TRAPPC9: variants seen among roughly 807,000 people sequenced by gnomAD.
TRAPPC9 encodes the protein trafficking protein particle complex subunit 9.
Under a neutral mutation model 124.0 loss-of-function variants are expected in TRAPPC9, and 83 were observed. The ratio of observed to expected loss-of-function variants is 0.67; its 90% CI spans 0.56 to 0.80. TRAPPC9 has a LOEUF of 0.80. Among genes scored for constraint, TRAPPC9 ranks in the 30% least tolerant of loss-of-function variants. The pLI, the probability that TRAPPC9 is intolerant of heterozygous loss-of-function variation, is 0.00. For synonymous variants in TRAPPC9, 638 were observed against 617.5 expected (o/e 1.03, Z -0.49); for missense variants, 1,302 against 1,508.3 (o/e 0.86, Z 2.27).
intron 17 of TRAPPC9, among the ~76,000 whole-genome samples, chr8:140,150,654 G>A (rs996148365): frequency 2.6e-5 from 4 of 152,168 alleles, no homozygotes; most frequent in African/African-American, 9.7e-5. Flanking sequence ...GGGAAAGGAA[G>A]GTGTAAAGAT....
intron 19 of TRAPPC9, among the ~76,000 whole-genome samples, chr8:139,910,877 C>G (rs1563915696): frequency 6.6e-6 from 1 of 152,190 alleles, no homozygotes; most frequent in African/African-American, 2.4e-5. Flanking sequence ...TTTGATTTTA[C>G]AGGTTCATAG....
chr8:140,289,174 A>T (rs1171796436), intron 12 of TRAPPC9, among the ~76,000 whole-genome samples: 1 of 148,314 alleles, frequency 6.7e-6, no homozygotes, highest in Non-Finnish European at 1.5e-5. Context: ...ATATATATAT[A>T]GTGTGTGTGT....
intron 17 of TRAPPC9, among the ~76,000 whole-genome samples, chr8:140,075,429 T>C (rs2129901714): frequency 6.6e-6 from 1 of 152,354 alleles, no homozygotes; most frequent in East Asian, 1.9e-4. Flanking sequence ...ACCTCAACTC[T>C]GTCATTATGG....
At chr8:140,065,521 G>A (rs1057058173) in intron 17 of TRAPPC9, among the ~76,000 whole-genome samples, 19 of 152,330 alleles carry the variant, frequency 1.2e-4, no homozygotes, top group African/African-American at 3.8e-4. Flanking sequence ...TGACTGTCTT[G>A]TTAGGGGCTA....
At chr8:139,883,894 G>GAAA (rs1829838970) in intron 21 of TRAPPC9, among the ~76,000 whole-genome samples, 1 of 152,160 alleles carries the variant, frequency 6.6e-6, no homozygotes, top group South Asian at 2.1e-4. Context: ...AAATGATGGA[G>GAAA]AAAACCTCAC....
chr8:140,340,452 G>A (rs766018674), intron 9 of TRAPPC9, among the ~76,000 whole-genome samples: 21 of 152,142 alleles, frequency 1.4e-4, no homozygotes, highest in African/African-American at 2.7e-4. Flanking sequence ...AGCCTCACCC[G>A]GGAAACTGCC....
chr8:140,040,291 A>G (rs1273987570), intron 17 of TRAPPC9: 4 of 152,394 alleles, frequency 2.6e-5, no homozygotes, highest in African/African-American at 9.7e-5. Flanking sequence ...CCCCTCTAAC[A>G]AAGTGAAGTG....
chr8:140,017,407 A>G (rs1460019003), intron 18 of TRAPPC9, among the ~76,000 whole-genome samples: 2 of 152,216 alleles, frequency 1.3e-5, no homozygotes, highest in Non-Finnish European at 2.9e-5. Flanking sequence ...GGCAGATGTG[A>G]TGTATGGGTG....
intron 19 of TRAPPC9, among the ~76,000 whole-genome samples, chr8:139,959,955 G>A (rs1354064222): frequency 6.6e-6 from 1 of 152,204 alleles, no homozygotes; most frequent in East Asian, 1.9e-4. Flanking sequence ...AAGGGCTGTG[G>A]GCGATGGAGG....
chr8:139,793,960 C>T (rs931242977), intron 21 of TRAPPC9, among the ~76,000 whole-genome samples: 8 of 152,194 alleles, frequency 5.3e-5, no homozygotes, highest in African/African-American at 1.9e-4. Flanking sequence ...CCACTGGCCA[C>T]AGCACCTCCC....
At chr8:140,435,583 G>T (rs2070785266) in intron 3 of TRAPPC9, among the ~76,000 whole-genome samples, 1 of 152,342 alleles carries the variant, frequency 6.6e-6, no homozygotes, top group East Asian at 1.9e-4. Flanking sequence ...CGGCATTCCT[G>T]CACAAACTGT....
intron 20 of TRAPPC9, among the ~76,000 whole-genome samples, chr8:139,886,479 G>A (rs918720276): frequency 3.3e-4 from 50 of 152,298 alleles, no homozygotes; most frequent in African/African-American, 1.2e-3. Context: ...CTCTCAGCAA[G>A]TATCAGTGGG....
At chr8:139,774,187 G>A (rs1450930629) in intron 21 of TRAPPC9, among the ~76,000 whole-genome samples, 5 of 152,206 alleles carry the variant, frequency 3.3e-5, no homozygotes, top group African/African-American at 1.2e-4. Context: ...GACAGAAGTC[G>A]GCATGGGCTG....
intron 14 of TRAPPC9, among the ~76,000 whole-genome samples, chr8:140,282,672 T>G (rs993523860): frequency 2.0e-5 from 3 of 152,178 alleles, no homozygotes; most frequent in Non-Finnish European, 4.4e-5. Context: ...CAATTAAAAT[T>G]GAATTTTCTC....
intron 17 of TRAPPC9, among the ~76,000 whole-genome samples, chr8:140,030,022 G>A (rs1160426219): frequency 6.6e-6 from 1 of 152,004 alleles, no homozygotes; most frequent in African/African-American, 2.4e-5. Flanking sequence ...CTATTGACAG[G>A]CAACAAAAAG....
chr8:139,851,599 C>G lies in TRAPPC9; in HGVS notation c.3055+34280G>C, dbSNP rs151244203. Among the ~76,000 whole-genome samples the G allele has an allele frequency of 4.5e-4, 69 of 152,260 alleles. 1 individual carries two copies. Among genetic ancestry groups the G allele is most frequent in the African/African-American group, 1.0e-3 (43 of 41,554 alleles). On this transcript the variant is annotated intron_variant, in intron 21 of 22. Coordinates refer to ENST00000438773, the MANE Select transcript of TRAPPC9 (RefSeq NM_001160372.4). ...AGAGGAAGCAGAGCAAGTGGGATAG[C>G]ACTAACACGAGAACACAGCCTGGGA...
At chr8:140,293,183 T>C (rs1416374785) in intron 11 of TRAPPC9, among the ~76,000 whole-genome samples, 13 of 148,462 alleles carry the variant, frequency 8.8e-5, no homozygotes, top group African/African-American at 3.3e-4. Context: ...TCACACCAGT[T>C]AGAATGGCGA....
chr8:139,988,673 TG>T, intron 19 of TRAPPC9, 52 bp downstream of exon 19: 2 of 1,204,418 alleles, frequency 1.7e-6, no homozygotes, highest in Non-Finnish European at 2.4e-6. Context: ...CCAAGCAGCG[TG>T]GTGAAGGCAG....
Position 139,819,318 on chromosome 8 carries a change from T to TATATA in TRAPPC9, c.3055+66556_3055+66560dup, listed in dbSNP as rs1825088262. On this transcript the variant is annotated intron_variant, in intron 21 of 22. Transcript: ENST00000438773. ...CCACTGATACTACATTATGGTGAGT[T>TATATA]ATATAATTATTTCATTATATATTAC... 3.3e-5 allele frequency among the ~76,000 whole-genome samples: 5 copies of TATATA among 152,130 alleles called. No individual in the cohort carries two copies. In the South Asian group the frequency reaches 1.0e-3, roughly 32 times the overall value.
Sources: allele counts gnomAD v4.1 joint callset (sites outside exome capture counted in the v4.1 genomes callset), GRCh38; gene constraint gnomAD v4.1.1; transcripts MANE v1.5; gene names NCBI Gene and HGNC (gene_info 2026-07-23, HGNC 2026-07-21).